The following UTP20 variants were observed in gnomAD, a reference collection of about 807,000 sequenced individuals.
UTP20 encodes UTP20 small subunit processome component.
A neutral mutation model predicts 329.5 loss-of-function variants in UTP20; 164 were observed. The ratio of observed to expected loss-of-function variants is 0.50; its 90% CI spans 0.44 to 0.57. The LOEUF (loss-of-function observed/expected upper bound fraction) is 0.57, where lower values mean the gene tolerates loss of function less well. UTP20 is among the 20% of genes least tolerant of loss of function. The probability of loss-of-function intolerance (pLI) is 0.00; values close to 1 mark genes in which losing one functional copy is unlikely to be tolerated. For synonymous variants in UTP20, 1,151 were observed against 1,159.3 expected, an observed-to-expected ratio of 0.99 and a Z score of 0.14; for missense variants, 3,055 against 3,284.2, an observed-to-expected ratio of 0.93 and a Z score of 1.71.
chr12:101,306,658 T>G, intron 16 of UTP20, 41 bp from the exon 17 acceptor site: 1 of 1,563,786 alleles, frequency 6.4e-7, no homozygotes, highest in South Asian at 1.2e-5. Context: ...CTTTTTATGG[T>G]TAAACTTTGG....
chr12:101,337,604 G>T (rs1868974838), intron 29 of UTP20, among the ~76,000 whole-genome samples: 1 of 152,154 alleles, frequency 6.6e-6, no homozygotes, highest in Non-Finnish European at 1.5e-5. Context: ...TAACTCCTAT[G>T]TTCTAGTACA....
intron 47 of UTP20, among the ~76,000 whole-genome samples, chr12:101,367,284 C>T (rs756207412): frequency 6.6e-6 from 1 of 151,886 alleles, no homozygotes; most frequent in East Asian, 1.9e-4. Flanking sequence ...GACCCTGTCT[C>T]TAAAAAATAA....
chr12:101,308,264 A>G lies in UTP20; in HGVS notation c.2075A>G (p.Tyr692Cys), dbSNP rs767178349. The change falls in exon 18 of 62, where the codon TAT becomes TGT. Residue 692 changes from tyrosine (Y) to cysteine (C), a missense_variant. Coordinates refer to ENST00000261637, the MANE Select transcript of UTP20 (RefSeq NM_014503.3). The stretch of plus-strand genomic sequence containing the variant: ...CTTGTTCCAGCAACTGTGAATGATT[A>G]TAGAGAGAAGCTTCTTCATTTGAGA... Reference protein sequence around the residue: ...AELVPATVNDYREKLLHLRKL... With the variant: ...AELVPATVNDCREKLLHLRKL... 3.2e-5 allele frequency: 51 copies of G among 1,613,014 alleles called. No individual in the cohort carries two copies. The South Asian group carries it at 5.3e-4, about 17-fold the overall frequency.
chr12:101,365,716 A>C (rs1870075487), intron 46 of UTP20, 91 bp downstream of exon 46: 2 of 1,040,150 alleles, frequency 1.9e-6, no homozygotes, highest in East Asian at 5.9e-5. Flanking sequence ...TTAGTAAAAA[A>C]TAAAATTATA....
chr12:101,379,295 A>C lies in UTP20; in HGVS notation c.7397-76A>C, dbSNP rs994918485. On this transcript the variant is annotated intron_variant, in intron 56 of 61. Coordinates refer to ENST00000261637, the MANE Select transcript of UTP20 (RefSeq NM_014503.3). ...CACTCCAAACACATAATACTCTGTA[A>C]ATGCTTAACTTAGTCATATTTACCT... 3 of 1,349,724 alleles carry C rather than the reference A, an allele frequency of 2.2e-6. No individual in the cohort carries two copies. The Admixed American group carries it at 7.2e-5, about 32-fold the overall frequency. 83.6% of individuals were successfully genotyped at this position (1,349,724 alleles called of 1,614,324 possible).
intron 27 of UTP20, 51 bp downstream of exon 27, chr12:101,329,500 T>C (rs755360358): frequency 1.3e-6 from 2 of 1,553,996 alleles, no homozygotes; most frequent in South Asian, 1.1e-5. Context: ...CTGATATTTC[T>C]TGGATTTTAA....
rs770832740 is a variant in UTP20 at position 101,385,537 on chromosome 12, G to A, written c.8057-46G>A. 20 of 1,577,178 alleles carry A rather than the reference G, an allele frequency of 1.3e-5. No homozygotes were observed. The East Asian group carries it at 4.5e-4, about 36-fold the overall frequency. Reference sequence around the variant, plus strand: ...GTTGATTTTGTTGATGTTCAAATGTGTCCTTTCCTACCTGTCTCTGATCAT... The same window carrying A: ...GTTGATTTTGTTGATGTTCAAATGTATCCTTTCCTACCTGTCTCTGATCAT... On this transcript the variant is annotated intron_variant, in intron 60 of 61. Coordinates refer to ENST00000261637, the MANE Select transcript of UTP20 (RefSeq NM_014503.3).
chr12:101,375,815 G>T, intron 56 of UTP20, 59 bp downstream of exon 56: 1 of 1,090,852 alleles, frequency 9.2e-7, no homozygotes, highest in Non-Finnish European at 1.3e-6. Context: ...ATTACTGAAA[G>T]TAGATTTGAG....
At chr12:101,282,764 G>C (rs1015284588) in intron 2 of UTP20, among the ~76,000 whole-genome samples, 2 of 152,144 alleles carry the variant, frequency 1.3e-5, no homozygotes, top group African/African-American at 4.8e-5. Context: ...CTTTAACTTG[G>C]AGATCCAATC....
intron 21 of UTP20, among the ~76,000 whole-genome samples, chr12:101,312,628 C>T (rs547691714): frequency 1.2e-4 from 18 of 152,238 alleles, no homozygotes; most frequent in Middle Eastern, 3.4e-3. Flanking sequence ...TTAGTACAGA[C>T]GGGGTTTCTC....
At chr12:101,356,766 CTT>C in intron 42 of UTP20, 73 bp downstream of exon 42, 8 of 1,538,996 alleles carry the variant, frequency 5.2e-6, no homozygotes, top group Non-Finnish European at 5.3e-6. Context: ...TTTTGAGTCT[CTT>C]TTGTCAGGAA....
At chr12:101,289,088 A>T in intron 6 of UTP20, 47 bp downstream of exon 6, 1 of 1,540,382 alleles carries the variant, frequency 6.5e-7, no homozygotes, top group Non-Finnish European at 9.0e-7. Context: ...CAAGAATCTG[A>T]TGAATAGGCC....
At chr12:101,362,107 C>T (rs747549033) in intron 44 of UTP20, 47 bp downstream of exon 44, 58 of 1,363,082 alleles carry the variant, frequency 4.3e-5, no homozygotes, top group East Asian at 9.4e-5. Flanking sequence ...AGTGGGCCAA[C>T]GACACAAAAA....
At chr12:101,330,282 A>G (rs900576583) in intron 27 of UTP20, among the ~76,000 whole-genome samples, 4 of 152,120 alleles carry the variant, frequency 2.6e-5, no homozygotes, top group Admixed American at 2.0e-4. Context: ...CTAGTGCAAA[A>G]TCCCTGGTTG....
intron 6 of UTP20, 151 bp from the exon 7 acceptor site, chr12:101,289,986 G>A (rs1872086289): frequency 1.8e-6 from 1 of 560,726 alleles, no homozygotes; most frequent in East Asian, 3.3e-5. Flanking sequence ...CACTATTAGA[G>A]TAGTTTGAAA....
intron 15 of UTP20, among the ~76,000 whole-genome samples, chr12:101,303,744 A>T: frequency 6.6e-6 from 1 of 152,160 alleles, no homozygotes. Flanking sequence ...CAGTGGAATG[A>T]CTTTGACCTA....
intron 57 of UTP20, among the ~76,000 whole-genome samples, chr12:101,380,148 C>T (rs1870595438): frequency 1.3e-5 from 2 of 152,100 alleles, no homozygotes; most frequent in Admixed American, 6.6e-5. Flanking sequence ...GAGGCTGAGG[C>T]AAGCAGATCA....
At position 101,338,938 on chromosome 12, in the gene UTP20, G is replaced by A. The variant is rs1869029429; in HGVS notation, c.3994G>A (p.Glu1332Lys). ...AAAGAATAGAGCACAAGTCAGTAAA[G>A]AGCTTGGCATTCTTTCAAAGTAAGT... ...KKKNRAQVSK[E>K]LGILSKISKF... is the part of the protein sequence containing the mutation. Residue 1332 changes from glutamate (E) to lysine (K), a missense_variant, in exon 31 of 62, where the codon GAG (glutamate) becomes AAG (lysine). Glu to Lys is a moderately conservative substitution (Grantham distance 56). This residue lies in a region of UTP20 where 2,445 missense variants were observed against 2,575.5 expected (regional missense o/e 0.95). Coordinates refer to ENST00000261637, the MANE Select transcript of UTP20 (RefSeq NM_014503.3). 1.3e-6 allele frequency: 2 copies of A among 1,599,164 alleles called. No individual in the cohort carries two copies. The highest frequency in any genetic ancestry group is 1.7e-6 in the Non-Finnish European group (2 of 1,176,608).
intron 57 of UTP20, among the ~76,000 whole-genome samples, chr12:101,380,601 G>GC (rs1870612338): frequency 6.6e-6 from 1 of 151,980 alleles, no homozygotes; most frequent in African/African-American, 2.4e-5. Context: ...GGTGGCTCAT[G>GC]CCTGTAATCC....
Sources: allele counts gnomAD v4.1 joint callset (sites outside exome capture counted in the v4.1 genomes callset), GRCh38; gene constraint gnomAD v4.1.1; regional missense constraint gnomAD v4.1.1; transcripts MANE v1.5; gene names NCBI Gene and HGNC (gene_info 2026-07-23, HGNC 2026-07-21).